The following ACVR1B variants were observed in gnomAD, a reference collection of about 807,000 sequenced individuals.
ACVR1B encodes activin receptor type-1B.
A neutral mutation model predicts 55.6 loss-of-function variants in ACVR1B; 15 were observed. That is an observed-to-expected ratio of 0.27 (90% CI 0.18 to 0.42). The LOEUF is 0.42. Ranked by LOEUF, ACVR1B falls within the 10% of genes least tolerant of loss-of-function variation. The pLI is 1.00. For synonymous variants in ACVR1B, 247 were observed against 254.6 expected, an observed-to-expected ratio of 0.97 and a Z score of 0.28; for missense variants, 359 against 670.1, an observed-to-expected ratio of 0.54 and a Z score of 5.13.
intron 3 of ACVR1B, among the ~76,000 whole-genome samples, chr12:51,979,833 G>T (rs910608684): frequency 6.6e-6 from 1 of 152,198 alleles, no homozygotes; most frequent in African/African-American, 2.4e-5. Context: ...GTTGGGAAGG[G>T]TGGGGTGAGG....
At chr12:51,984,234 T>C in intron 5 of ACVR1B, 68 bp downstream of exon 5, 1 of 1,543,918 alleles carries the variant, frequency 6.5e-7, no homozygotes, top group Non-Finnish European at 8.8e-7. Context: ...CCTGATTTAG[T>C]TCCTAGAATT....
Position 51,994,035 on chromosome 12 carries a change from C to T in ACVR1B, c.1443C>T (p.Gly481=), listed in dbSNP as rs137941692. The T allele has an allele frequency of 1.7e-5, 28 of 1,614,118 alleles. 1 individual carries two copies. The highest frequency in any genetic ancestry group is 1.1e-4 in the East Asian group (5 of 44,880). Residue 481 remains glycine, a synonymous_variant, in exon 9 of 9, where the codon GGC becomes GGT. Transcript: ENST00000257963. The surrounding 1 kb of genome is among the most constrained non-coding windows in gnomAD (Gnocchi z 4.2). The stretch of plus-strand genomic sequence containing the variant: ...TGCGAGAGTGTTGGTATGCCAACGG[C>T]GCAGCCCGCCTGACGGCCCTGCGCA... ...KMMRECWYAN[G]AARLTALRIK...
intron 1 of ACVR1B, among the ~76,000 whole-genome samples, chr12:51,955,624 C>A (rs1941391866): frequency 6.6e-6 from 1 of 152,168 alleles, no homozygotes; most frequent in Non-Finnish European, 1.5e-5. Flanking sequence ...GTTTACTGTT[C>A]AATTTTTGCT....
At chr12:51,986,963 T>C in intron 7 of ACVR1B, 21 bp downstream of exon 7, 1 of 1,614,262 alleles carries the variant, frequency 6.2e-7, no homozygotes. Flanking sequence ...TTTTTGCCTT[T>C]GCTCCTACCT....
At chr12:51,992,825 A>G (rs1051933938) in intron 8 of ACVR1B, among the ~76,000 whole-genome samples, 2 of 152,298 alleles carry the variant, frequency 1.3e-5, no homozygotes, top group South Asian at 2.1e-4. Context: ...TGTGGGGGAA[A>G]CAACATTTGG....
chr12:51,969,887 C>A (rs1324297832), intron 1 of ACVR1B, among the ~76,000 whole-genome samples: 1 of 151,992 alleles, frequency 6.6e-6, no homozygotes. Context: ...CATAGCAAGA[C>A]CCTGTCTCTA....
chr12:51,972,256 T>C (rs536982842), intron 1 of ACVR1B, among the ~76,000 whole-genome samples: 27 of 152,284 alleles, frequency 1.8e-4, no homozygotes, highest in African/African-American at 6.3e-4. Flanking sequence ...AATAGATATA[T>C]ATTTCTTCAT....
intron 7 of ACVR1B, among the ~76,000 whole-genome samples, chr12:51,989,915 G>C (rs1235727956): frequency 1.3e-5 from 2 of 152,130 alleles, no homozygotes; most frequent in East Asian, 3.9e-4. Flanking sequence ...AACCAAGGAA[G>C]TGGAAGTTGC....
chr12:51,994,071 C>T lies in ACVR1B; in HGVS notation c.1479C>T (p.Thr493=). 1.2e-6 allele frequency: 2 copies of T among 1,614,082 alleles called. No homozygotes were observed. The highest frequency in any genetic ancestry group is 1.7e-6 in the Non-Finnish European group (2 of 1,180,034). ...ARLTALRIKK[T]LSQLSVQEDV... is the part of the protein sequence containing the mutation. ...TGACGGCCCTGCGCATCAAGAAGAC[C>T]CTCTCCCAGCTCAGCGTGCAGGAAG... is the stretch of plus-strand genomic sequence containing the variant. The change falls in exon 9 of 9, where the codon ACC becomes ACT. Residue 493 remains threonine (T), a synonymous_variant. Coordinates refer to ENST00000257963, the MANE Select transcript of ACVR1B (RefSeq NM_004302.5). This position sits in a 1 kb window ranked among gnomAD's most constrained non-coding sequence, Gnocchi z 4.2.
At chr12:51,961,110 C>G (rs1941513753) in intron 1 of ACVR1B, among the ~76,000 whole-genome samples, 1 of 152,120 alleles carries the variant, frequency 6.6e-6, no homozygotes, top group African/African-American at 2.4e-5. Context: ...CTTGTGTTCT[C>G]CCGGTCAGTG....
intron 1 of ACVR1B, among the ~76,000 whole-genome samples, chr12:51,954,925 A>G (rs1941379147): frequency 6.6e-6 from 1 of 152,206 alleles, no homozygotes; most frequent in African/African-American, 2.4e-5. Flanking sequence ...GACGTACAGC[A>G]TGTCACAGTG....
chr12:51,966,805 C>T (rs1941649890), intron 1 of ACVR1B, among the ~76,000 whole-genome samples: 1 of 152,100 alleles, frequency 6.6e-6, no homozygotes, highest in Non-Finnish European at 1.5e-5. Flanking sequence ...GATTTTTGAA[C>T]ACTGACTGGA....
intron 1 of ACVR1B, among the ~76,000 whole-genome samples, chr12:51,963,346 G>A (rs1200746481): frequency 2.0e-5 from 3 of 152,120 alleles, no homozygotes; most frequent in African/African-American, 7.2e-5. Context: ...CCAGGTTCAA[G>A]CGATTCTCCT....
intron 1 of ACVR1B, among the ~76,000 whole-genome samples, chr12:51,969,627 GAGAA>G (rs1337334628): frequency 6.6e-6 from 1 of 152,204 alleles, no homozygotes; most frequent in Non-Finnish European, 1.5e-5. Context: ...TGTGAATAAA[GAGAA>G]AGACTTGATC....
chr12:51,975,683 G>C (rs924411496), intron 2 of ACVR1B, among the ~76,000 whole-genome samples, 179 bp downstream of exon 2: 28 of 152,266 alleles, frequency 1.8e-4, no homozygotes, highest in African/African-American at 6.8e-4. Flanking sequence ...TAGAGGGTGA[G>C]GAAGCAGATT....
intron 3 of ACVR1B, among the ~76,000 whole-genome samples, chr12:51,978,922 G>A (rs1941922511): frequency 2.0e-5 from 3 of 151,618 alleles, no homozygotes; most frequent in Admixed American, 1.3e-4. Flanking sequence ...ACATTTAAAG[G>A]AGTCTTGAGG....
At chr12:51,992,138 C>CA in intron 8 of ACVR1B, 145 bp downstream of exon 8, 1 of 1,095,444 alleles carries the variant, frequency 9.1e-7, no homozygotes, top group East Asian at 2.6e-5. Flanking sequence ...TTACATATCC[C>CA]AAGCCCTTTA....
At chr12:51,957,438 C>T (rs1027187516) in intron 1 of ACVR1B, among the ~76,000 whole-genome samples, 72 of 123,260 alleles carry the variant, frequency 5.8e-4, no homozygotes, top group African/African-American at 2.4e-3. Context: ...AGTGAGACTC[C>T]GTCAAAAAAA....
chr12:51,990,881 T>A (rs1942178091), intron 7 of ACVR1B, among the ~76,000 whole-genome samples: 1 of 152,232 alleles, frequency 6.6e-6, no homozygotes, highest in South Asian at 2.1e-4. Context: ...CTACTCTTCC[T>A]GGTATTTCCT....
Sources: gnomAD v4.1 joint callset for allele counts (sites outside exome capture counted in the v4.1 genomes callset) on GRCh38, gnomAD v4.1.1 for gene constraint, Gnocchi (gnomAD v3.1) non-coding constraint, MANE v1.5 for transcripts, NCBI Gene and HGNC (gene_info 2026-07-23, HGNC 2026-07-21) for gene names.